Variants in ASB12 observed in about 807,000 individuals in gnomAD.
The protein encoded by ASB12 is ankyrin repeat and SOCS box protein 12.
In ASB12, 17 loss-of-function variants were observed where a neutral mutation model predicts 13.7. The observed-to-expected ratio is 1.24, with a 90% CI of 0.85 to 1.86. The LOEUF (loss-of-function observed/expected upper bound fraction) is 1.86, where lower values mean the gene tolerates loss of function less well. Ranked by LOEUF, ASB12 falls within the 40% of genes most tolerant of loss-of-function variation. The probability of loss-of-function intolerance (pLI) is 0.00; values close to 1 mark genes in which losing one functional copy is unlikely to be tolerated. For synonymous variants in ASB12, 107 were observed against 99.8 expected (o/e 1.07, Z -0.43); for missense variants, 329 against 250.5 (o/e 1.31, Z -2.11).
chrX:64,229,021 T>C (rs1042991737), intron 1 of ASB12, among the ~76,000 whole-genome samples: 1 of 111,249 alleles, frequency 9.0e-6, no homozygotes, highest in African/African-American at 3.3e-5. Context: ...TCTCTACTCC[T>C]CCTCCTGTTC....
intron 2 of ASB12, among the ~76,000 whole-genome samples, 174 bp from the exon 3 acceptor site, chrX:64,224,642 C>A (rs1222513827): frequency 9.4e-6 from 1 of 106,453 alleles, no homozygotes; most frequent in Non-Finnish European, 1.9e-5. Flanking sequence ...CCACCCCCAC[C>A]CAACCTTATC....
At chrX:64,229,122 G>A (rs949811939) in intron 1 of ASB12, among the ~76,000 whole-genome samples, 9 of 111,758 alleles carry the variant, frequency 8.1e-5, no homozygotes, top group African/African-American at 2.9e-4. Flanking sequence ...GCTTTTGAGT[G>A]TCATGCTGAA....
intron 1 of ASB12, among the ~76,000 whole-genome samples, chrX:64,227,043 T>C (rs896554660): frequency 9.0e-6 from 1 of 111,284 alleles, no homozygotes; most frequent in Non-Finnish European, 1.9e-5. Context: ...ATTTTGGAAA[T>C]CCAGCAGACC....
In ASB12 at chrX:64,224,288, C is replaced by T; in HGVS notation, c.*47G>A. On this transcript the variant is annotated 3_prime_UTR_variant, in exon 3 of 3. Coordinates refer to ENST00000362002, the MANE Select transcript of ASB12 (RefSeq NM_130388.4). ...TAATGCTCTCCAGCTACGTGAGTCC[C>T]CAGGTGGTTTTCGGAGGCATCATAA... 1 of 1,192,837 alleles carries T rather than the reference C, an allele frequency of 8.4e-7. No homozygotes were observed. The highest frequency in any genetic ancestry group is 1.1e-6 in the Non-Finnish European group (1 of 880,203).
At chrX:64,228,238 C>G (rs1186643721) in intron 1 of ASB12, among the ~76,000 whole-genome samples, 1 of 112,202 alleles carries the variant, frequency 8.9e-6, no homozygotes, top group Non-Finnish European at 1.9e-5. Context: ...GGTCCAGTGA[C>G]AAGAGACAAA....
At position 64,224,471 on chromosome X, in the gene ASB12, A is replaced by G; in HGVS notation, c.824-3T>C. 8.3e-7 allele frequency: 1 copy of G among 1,207,904 alleles called. No individual in the cohort carries two copies. The highest frequency in any genetic ancestry group is 1.1e-6 in the Non-Finnish European group (1 of 892,948). ...TGATAGAAGTGACCGTGGAGTGGCT[A>G]CAGCAAGAAGAAACAGGTCATGAGG... is the stretch of plus-strand genomic sequence containing the variant. On this transcript the variant is annotated splice_region_variant and splice_polypyrimidine_tract_variant and intron_variant, in intron 2 of 2. Transcript: ENST00000362002.
intron 1 of ASB12, among the ~76,000 whole-genome samples, chrX:64,229,797 TC>T (rs1372885213): frequency 9.8e-5 from 11 of 112,450 alleles, no homozygotes; most frequent in Non-Finnish European, 1.7e-4. Flanking sequence ...ATCTGTGGTT[TC>T]TTCTGGTAAC....
At position 64,225,692 on chromosome X, in the gene ASB12, G is replaced by A. The variant is rs1569198397; in HGVS notation, c.-24-18C>T. 16 of 1,150,941 alleles carry A rather than the reference G, an allele frequency of 1.4e-5. No homozygotes were observed. The highest frequency in any genetic ancestry group is 1.8e-5 in the Non-Finnish European group (16 of 866,784). 94.9% of individuals were successfully genotyped at this position (1,150,941 alleles called of 1,213,427 possible). On this transcript the variant is annotated intron_variant, in intron 1 of 2. Coordinates refer to ENST00000362002, the MANE Select transcript of ASB12 (RefSeq NM_130388.4). ...TGCCAGATCTGTGGGTGACAAACAA[G>A]TGGGAGAGAATGAGGGTACCCATCA... is the stretch of plus-strand genomic sequence containing the variant.
At chrX:64,227,645 A>T (rs771337177) in intron 1 of ASB12, among the ~76,000 whole-genome samples, 2 of 111,143 alleles carry the variant, frequency 1.8e-5, no homozygotes, top group African/African-American at 6.6e-5. Flanking sequence ...CTTTATTCTG[A>T]TTATTTTAAG....
rs1450016081 is a variant in ASB12 at position 64,225,126 on chromosome X, T to C, written c.525A>G (p.Ala175=). The C allele has an allele frequency of 1.7e-6, 2 of 1,211,421 alleles. No homozygotes were observed. The highest frequency in any genetic ancestry group is 2.2e-6 in the Non-Finnish European group (2 of 895,379). ...ANVKAKLPVW[A]SNIASCSGPL... is the part of the protein sequence containing the mutation. ...GGCCAGAACATGAAGCTATGTTTGA[T>C]GCCCAGACTGGTAGTTTAGCTTTGA... The change falls in exon 2 of 3, where the codon GCA becomes GCG. Residue 175 remains alanine (A), a synonymous_variant. Transcript: ENST00000362002.
intron 2 of ASB12, 36 bp from the exon 3 acceptor site, chrX:64,224,504 A>G (rs1424247760): frequency 8.4e-7 from 1 of 1,183,992 alleles, no homozygotes; most frequent in Admixed American, 2.2e-5. Context: ...AGGAGCAATT[A>G]TCAGCAAAAT....
At chrX:64,227,199 A>G (rs1569198653) in intron 1 of ASB12, among the ~76,000 whole-genome samples, 1 of 111,500 alleles carries the variant, frequency 9.0e-6, no homozygotes, top group African/African-American at 3.3e-5. Context: ...GAGCTACTAC[A>G]TACTCTGCAC....
rs1266893052 is a variant in ASB12, at chrX:64,226,684, T to C, written c.-24-1010A>G. The C allele has an allele frequency of 6.7e-6, 5 of 747,072 alleles. No homozygotes were observed. The African/African-American group carries it at 1.2e-4, about 17-fold the overall frequency. The allele number at this position is 747,072 out of a possible 1,213,427, so 61.6% of individuals were successfully genotyped here. A position where few individuals can be genotyped will look rare whatever the true frequency, so the allele number is the denominator to read the frequency against. On this transcript the variant is annotated intron_variant, in intron 1 of 2. Transcript: ENST00000362002. ...CCCTACAAAACCACTCATGGCTCAA[T>C]GTCTGACTCAACCCAACCTCTGACC...
intron 1 of ASB12, 107 bp from the exon 2 acceptor site, chrX:64,225,781 G>A: frequency 1.1e-6 from 1 of 926,239 alleles, no homozygotes; most frequent in South Asian, 2.5e-5. Flanking sequence ...ACTCATTCAT[G>A]GGTCTCCTAC....
intron 1 of ASB12, chrX:64,226,682 A>T: frequency 2.7e-6 from 2 of 748,593 alleles, no homozygotes; most frequent in Non-Finnish European, 3.2e-6. Flanking sequence ...CTCATGGCTC[A>T]ATGTCTGACT....
intron 1 of ASB12, chrX:64,226,815 C>G (rs952273483): frequency 1.5e-6 from 1 of 661,053 alleles, no homozygotes; most frequent in Non-Finnish European, 1.8e-6. Context: ...CCATACCCTG[C>G]AGCTGAGGTC....
intron 1 of ASB12, among the ~76,000 whole-genome samples, chrX:64,227,493 T>G (rs779900017): frequency 1.8e-5 from 2 of 111,368 alleles, no homozygotes; most frequent in Non-Finnish European, 3.8e-5. Context: ...TTCTGGAATA[T>G]CTATCCCTAC....
rs150163629 is a variant in ASB12 at position 64,225,029 on chromosome X, C to T, written c.622G>A (p.Asp208Asn). 3.4e-5 allele frequency: 41 copies of T among 1,209,866 alleles called. No individual in the cohort carries two copies. The African/African-American group carries it at 4.2e-4, about 12-fold the overall frequency. The part of the protein sequence containing the change: ...RLLLLHGADP[D>N]YNCTDQGLLA... Reference sequence around the variant, plus strand: ...AGGCCCTGGTCAGTGCAGTTGTAGTCAGGGTCTGCCCCGTGGAGCAAAAGC... The same window carrying T: ...AGGCCCTGGTCAGTGCAGTTGTAGTTAGGGTCTGCCCCGTGGAGCAAAAGC... The change falls in exon 2 of 3, where the codon GAC becomes AAC. Residue 208 changes from aspartate to asparagine, a missense_variant. Physicochemically the swap from Asp to Asn is conservative, Grantham distance 23. Coordinates refer to ENST00000362002, the MANE Select transcript of ASB12 (RefSeq NM_130388.4).
At chrX:64,229,764 A>G (rs756641107) in intron 1 of ASB12, among the ~76,000 whole-genome samples, 9 of 112,630 alleles carry the variant, frequency 8.0e-5, no homozygotes, top group African/African-American at 2.6e-4. Flanking sequence ...GATCTCTGCC[A>G]CAACTGTAAT....
Sources: allele counts gnomAD v4.1 joint callset (sites outside exome capture counted in the v4.1 genomes callset), GRCh38; gene constraint gnomAD v4.1.1; transcripts MANE v1.5; gene names NCBI Gene and HGNC (gene_info 2026-07-23, HGNC 2026-07-21).